Variants in RHOBTB1 observed in about 807,000 individuals in gnomAD.
The protein encoded by RHOBTB1 is rho-related BTB domain-containing protein 1.
RHOBTB1 carries 40 observed loss-of-function variants against 71.6 expected under a neutral mutation model. The ratio of observed to expected loss-of-function variants is 0.56; its 90% CI spans 0.43 to 0.73. RHOBTB1 has a LOEUF of 0.73. RHOBTB1 is among the 30% of genes least tolerant of loss of function. RHOBTB1 has a pLI of 0.00. For synonymous variants in RHOBTB1, 319 were observed against 334.9 expected, an observed-to-expected ratio of 0.95 and a Z score of 0.52; for missense variants, 797 against 894.0, an observed-to-expected ratio of 0.89 and a Z score of 1.38.
At chr10:60,967,063 C>T (rs1393562107) in intron 2 of RHOBTB1, among the ~76,000 whole-genome samples, 6 of 151,896 alleles carry the variant, frequency 4.0e-5, no homozygotes, top group African/African-American at 1.2e-4. Context: ...GGTGAGGGAG[C>T]GATGCAGTAT....
chr10:60,971,355 C>G (rs1464175506), intron 2 of RHOBTB1, among the ~76,000 whole-genome samples: 1 of 151,692 alleles, frequency 6.6e-6, no homozygotes, highest in Non-Finnish European at 1.5e-5. Context: ...ATATATAGAC[C>G]AATGGAACAG....
chr10:60,929,793 T>C (rs1047165329), intron 2 of RHOBTB1, among the ~76,000 whole-genome samples: 6 of 152,102 alleles, frequency 3.9e-5, no homozygotes, highest in African/African-American at 1.4e-4. Context: ...AAAATCAGAA[T>C]AAACCAATGT....
At chr10:60,931,344 G>A (rs937078659) in intron 2 of RHOBTB1, among the ~76,000 whole-genome samples, 20 of 151,956 alleles carry the variant, frequency 1.3e-4, no homozygotes, top group African/African-American at 4.8e-4. Context: ...CTTTATTCTC[G>A]TTCTCCCCAG....
intron 1 of RHOBTB1, among the ~76,000 whole-genome samples, chr10:60,990,790 T>C (rs1196146673): frequency 6.6e-6 from 1 of 152,238 alleles, no homozygotes; most frequent in South Asian, 2.1e-4. Context: ...ATTATCTTTC[T>C]CTAAGCAATC....
At chr10:60,906,253 GA>G (rs1407031145) in intron 4 of RHOBTB1, among the ~76,000 whole-genome samples, 2 of 152,170 alleles carry the variant, frequency 1.3e-5, no homozygotes, top group Non-Finnish European at 2.9e-5. Context: ...GGTTTGCTTG[GA>G]TGTATCATTT....
intron 2 of RHOBTB1, among the ~76,000 whole-genome samples, chr10:60,923,722 G>C (rs554827851): frequency 6.6e-6 from 1 of 152,140 alleles, no homozygotes; most frequent in Non-Finnish European, 1.5e-5. Context: ...TGAATCATGG[G>C]GGTGGTTTAC....
At chr10:60,906,480 CA>C (rs1336085363) in intron 4 of RHOBTB1, among the ~76,000 whole-genome samples, 3 of 152,354 alleles carry the variant, frequency 2.0e-5, no homozygotes, top group Middle Eastern at 3.4e-3. Context: ...ATCATCATCA[CA>C]AACTACAACA....
At chr10:60,981,000 A>G (rs990297780) in intron 2 of RHOBTB1, among the ~76,000 whole-genome samples, 15 of 152,224 alleles carry the variant, frequency 9.9e-5, no homozygotes, top group African/African-American at 3.4e-4. Context: ...TGCTAGAAAG[A>G]TGTGTACATT....
downstream of RHOBTB1, among the ~76,000 whole-genome samples, chr10:60,867,574 T>G (rs907992804): frequency 1.3e-5 from 2 of 152,250 alleles, no homozygotes; most frequent in Non-Finnish European, 2.9e-5. Context: ...TGCAACTGCA[T>G]GATCGCTTGG....
At chr10:60,998,819 A>G (rs1273132370) in intron 1 of RHOBTB1, among the ~76,000 whole-genome samples, 2 of 152,218 alleles carry the variant, frequency 1.3e-5, no homozygotes, top group Non-Finnish European at 2.9e-5. Flanking sequence ...TTAATAGAAG[A>G]ACTCTTCCAC....
intron 4 of RHOBTB1, among the ~76,000 whole-genome samples, chr10:60,910,502 CCAAA>C (rs2082909847): frequency 6.6e-6 from 1 of 152,180 alleles, no homozygotes; most frequent in African/African-American, 2.4e-5. Flanking sequence ...CATGAAAAGA[CCAAA>C]CAGTCTTTCT....
chr10:60,892,299 G>A (rs1351482547), intron 5 of RHOBTB1, among the ~76,000 whole-genome samples: 1 of 152,102 alleles, frequency 6.6e-6, no homozygotes, highest in African/African-American at 2.4e-5. Context: ...TGCAACTATA[G>A]GTCCGAATGA....
At chr10:60,901,822 T>C (rs573805682) in intron 4 of RHOBTB1, among the ~76,000 whole-genome samples, 1 of 152,326 alleles carries the variant, frequency 6.6e-6, no homozygotes, top group Admixed American at 6.5e-5. Context: ...TACTGAACAA[T>C]GCATATATTC....
chr10:60,871,933 C>A (rs7920871), intron 10 of RHOBTB1: 18,656 of 610,252 alleles, frequency 0.031, 602 homozygotes, highest in African/African-American at 0.12. Context: ...AAGGCCACCA[C>A]CTCTGCACTC....
chr10:60,994,396 G>A (rs1475802955), intron 1 of RHOBTB1, among the ~76,000 whole-genome samples: 1 of 152,168 alleles, frequency 6.6e-6, no homozygotes, highest in Non-Finnish European at 1.5e-5. Flanking sequence ...TCTTATCTGG[G>A]CCAAGCACCA....
chr10:60,948,254 C>T (rs1391728150), upstream of RHOBTB1, among the ~76,000 whole-genome samples: 1 of 152,016 alleles, frequency 6.6e-6, no homozygotes, highest in Non-Finnish European at 1.5e-5. Context: ...TACTACCATC[C>T]CAAGGGAACT....
chr10:60,956,624 T>G (rs1291881347), intron 2 of RHOBTB1, among the ~76,000 whole-genome samples: 1 of 152,150 alleles, frequency 6.6e-6, no homozygotes, highest in African/African-American at 2.4e-5. Flanking sequence ...TTTATTATTT[T>G]TAAAAGTGTT....
At chr10:60,969,597 C>A (rs562428386) in intron 2 of RHOBTB1, among the ~76,000 whole-genome samples, 1 of 152,074 alleles carries the variant, frequency 6.6e-6, no homozygotes, top group East Asian at 1.9e-4. Flanking sequence ...CAGATTATGG[C>A]TCAATTAGGA....
At chr10:60,908,620 G>A (rs1267383961) in intron 4 of RHOBTB1, among the ~76,000 whole-genome samples, 1 of 152,186 alleles carries the variant, frequency 6.6e-6, no homozygotes, top group Non-Finnish European at 1.5e-5. Context: ...GTACTGGTTA[G>A]GGACCTATAG....
Sources: allele counts gnomAD v4.1 joint callset (sites outside exome capture counted in the v4.1 genomes callset), GRCh38; gene constraint gnomAD v4.1.1; transcripts MANE v1.5; gene names NCBI Gene and HGNC (gene_info 2026-07-23, HGNC 2026-07-21).